NPC1L1: variants seen among roughly 807,000 people sequenced by gnomAD.
NPC1L1 encodes NPC1 like intracellular cholesterol transporter 1, also known as NPC1-like intracellular cholesterol transporter 1.
NPC1L1 carries 98 observed loss-of-function variants against 117.0 expected under a neutral mutation model. The observed-to-expected ratio is 0.84, with a 90% CI of 0.71 to 0.99. The LOEUF is 0.99. Ranked by LOEUF, NPC1L1 falls within the 50% of genes least tolerant of loss-of-function variation. The pLI, the probability that NPC1L1 is intolerant of heterozygous loss-of-function variation, is 0.00. For missense variants in NPC1L1, 1,540 were observed against 1,710.0 expected (o/e 0.90, Z 1.75); for synonymous variants, 729 against 727.6 (o/e 1.00, Z -0.03).
intron 9 of NPC1L1, 34 bp from the exon 10 acceptor site, chr7:44,531,878 C>A: frequency 6.4e-7 from 1 of 1,552,094 alleles, no homozygotes; most frequent in Non-Finnish European, 8.7e-7. Flanking sequence ...GACCACCCTG[C>A]CCAACAGCCG....
rs558058946 is a variant in NPC1L1, at chr7:44,539,134, C to T, written c.1263G>A (p.Arg421=). 1 of 1,614,138 alleles carries T rather than the reference C, an allele frequency of 6.2e-7. No homozygotes were observed. Among genetic ancestry groups the T allele is most frequent in the Non-Finnish European group, 8.5e-7 (1 of 1,180,032 alleles). ...ILTAPNRSSY[R]YDSLLLGPKN... ...TGGGCCCCAGCAGCAGAGAGTCATACCTGTAGCTGGACCGGTTAGGAGCCG... is the reference window on the plus strand; with the variant it reads ...TGGGCCCCAGCAGCAGAGAGTCATATCTGTAGCTGGACCGGTTAGGAGCCG... Residue 421 remains arginine (R), a synonymous_variant, in exon 2 of 19, where the codon AGG becomes AGA. Transcript: ENST00000381160. This position sits in a 1 kb window ranked among gnomAD's most constrained non-coding sequence, Gnocchi z 4.4.
chr7:44,522,724 C>G (rs1285318117), intron 10 of NPC1L1, among the ~76,000 whole-genome samples: 2 of 152,172 alleles, frequency 1.3e-5, no homozygotes, highest in South Asian at 4.1e-4. Context: ...TACACTTATG[C>G]AGGTACAAAC....
chr7:44,534,745 C>T lies in NPC1L1; in HGVS notation c.1984-116G>A. 2 of 1,004,442 alleles carry T rather than the reference C, an allele frequency of 2.0e-6. No individual in the cohort carries two copies. Among genetic ancestry groups the T allele is most frequent in the Non-Finnish European group, 3.0e-6 (2 of 665,468 alleles). The allele number at this position is 1,004,442 out of a possible 1,614,324, so 62.2% of individuals were successfully genotyped here. A position where few individuals can be genotyped will look rare whatever the true frequency, so the allele number is the denominator to read the frequency against. On this transcript the variant is annotated intron_variant, in intron 5 of 18. Transcript: ENST00000381160. This position sits in a 1 kb window ranked among gnomAD's most constrained non-coding sequence, Gnocchi z 5.2. ...GGCACCCTCAGTGCCTGCAGGTGCC[C>T]GATACTGCCCCCAGTGGTGAGGAGC...
At chr7:44,517,177 T>G (rs1801216348) in intron 15 of NPC1L1, 30 bp downstream of exon 15, 1 of 1,613,160 alleles carries the variant, frequency 6.2e-7, no homozygotes, top group African/African-American at 1.3e-5. Flanking sequence ...ATACCCCACC[T>G]CCCTCCAGCC....
At position 44,513,589 on chromosome 7, in the gene NPC1L1, G is replaced by A. The variant is rs1361238014; in HGVS notation, c.3857C>T (p.Ala1286Val). 6.2e-7 allele frequency: 1 copy of A among 1,613,980 alleles called. No homozygotes were observed. The highest frequency in any genetic ancestry group is 8.5e-7 in the Non-Finnish European group (1 of 1,180,024). The change falls in exon 19 of 19, where the codon GCA becomes GTA. Residue 1286 changes from alanine (A) to valine (V), a missense_variant. Coordinates refer to ENST00000381160, the MANE Select transcript of NPC1L1 (RefSeq NM_001101648.2). ...ATTTGGGCAAGAGGCCACCATGACTGCTGCCACCGCCTCCTCAGCCCGCTT... is the reference window on the plus strand; with the variant it reads ...ATTTGGGCAAGAGGCCACCATGACTACTGCCACCGCCTCCTCAGCCCGCTT... ...EQKRAEEAVA[A>V]VMVASCPNHP...
chr7:44,532,254 G>A, intron 8 of NPC1L1, 37 bp from the exon 9 acceptor site: 2 of 1,612,054 alleles, frequency 1.2e-6, no homozygotes, highest in Non-Finnish European at 1.7e-6. Flanking sequence ...TAGTCCCAGA[G>A]CAGACAAGGC....
In NPC1L1 at chr7:44,513,669, C is replaced by T; in HGVS notation, c.3797-20G>A. Reference sequence around the variant, plus strand: ...CAGGCCCTGCGGAGAGACAGAGAACCACAGTCAGAGAGGTGGGCAGGGGAC... The same window carrying T: ...CAGGCCCTGCGGAGAGACAGAGAACTACAGTCAGAGAGGTGGGCAGGGGAC... On this transcript the variant is annotated intron_variant, in intron 18 of 18. Transcript: ENST00000381160. 1.9e-6 allele frequency: 3 copies of T among 1,610,430 alleles called. No homozygotes were observed. Among genetic ancestry groups the T allele is most frequent in the Non-Finnish European group, 2.5e-6 (3 of 1,179,826 alleles).
intron 10 of NPC1L1, among the ~76,000 whole-genome samples, chr7:44,523,969 A>T (rs217418): frequency 0.21 from 32,296 of 152,048 alleles, 3,635 homozygotes; most frequent in African/African-American, 0.23. Context: ...GCAGCCACTA[A>T]TGCAACTCCC....
Position 44,535,932 on chromosome 7 carries a change from C to A in NPC1L1, c.1891G>T (p.Glu631Ter). 2 of 1,613,466 alleles carry A rather than the reference C, an allele frequency of 1.2e-6. No homozygotes were observed. The highest frequency in any genetic ancestry group is 1.7e-6 in the Non-Finnish European group (2 of 1,180,028). The change falls in exon 5 of 19, where the codon GAA (glutamate) becomes TAA (stop). Residue 631 changes from glutamate to a stop codon, truncating the protein, a stop_gained. Transcript: ENST00000381160. LOFTEE classifies it high-confidence loss of function. Reference protein sequence around the residue: ...LEDEINRTTAEDLPIFATSYI... With the variant: ...LEDEINRTTA ...CTGGTGGCAAAGATGGGCAGGTCTT[C>A]AGCTGTGGTGCGATTGATCTCGTCT...
At chr7:44,523,359 T>C (rs1801417620) in intron 10 of NPC1L1, among the ~76,000 whole-genome samples, 1 of 152,106 alleles carries the variant, frequency 6.6e-6, no homozygotes, top group Admixed American at 6.5e-5. Context: ...CCGGCCCTAG[T>C]GTAACGATTT....
chr7:44,540,279 C>T lies in NPC1L1; in HGVS notation c.118G>A (p.Gly40Arg). ...PGYCAFYDEC[G>R]KNPELSGSLM... ...CTTCCAGACAGCTCTGGGTTCTTCC[C>T]ACATTCGTCATAGAAGGCGCAGTAG... The change falls in exon 2 of 19, where the codon GGG becomes AGG. Residue 40 changes from glycine to arginine, a missense_variant. Physicochemically the swap from Gly to Arg is moderately radical, Grantham distance 125 (BLOSUM62 -2). Around this residue, in one of 3 missense-constraint regions of NPC1L1, gnomAD observed 793 missense variants for 820.4 expected, o/e 0.97. Coordinates refer to ENST00000381160, the MANE Select transcript of NPC1L1 (RefSeq NM_001101648.2). The T allele has an allele frequency of 6.2e-7, 1 of 1,613,958 alleles. No individual in the cohort carries two copies. Among genetic ancestry groups the T allele is most frequent in the East Asian group, 2.2e-5 (1 of 44,864 alleles).
chr7:44,515,491 C>T (rs1214581851), intron 18 of NPC1L1, among the ~76,000 whole-genome samples: 3 of 152,172 alleles, frequency 2.0e-5, no homozygotes, highest in African/African-American at 7.2e-5. Context: ...CATGTCACCT[C>T]TCTGTGTAAA....
chr7:44,527,187 G>A (rs1303613381), intron 10 of NPC1L1, among the ~76,000 whole-genome samples: 1 of 151,138 alleles, frequency 6.6e-6, no homozygotes, highest in East Asian at 2.0e-4. Context: ...GGCCAGGCAT[G>A]GTGGCTCATG....
chr7:44,515,668 A>G lies in NPC1L1; in HGVS notation c.3796+135T>C, dbSNP rs1238307834. ...GTAGCTTCCAAGACAGAATTGCCAC[A>G]TGGTCATAGTCCTGGCTTCTGACAT... On this transcript the variant is annotated intron_variant, in intron 18 of 18. Coordinates refer to ENST00000381160, the MANE Select transcript of NPC1L1 (RefSeq NM_001101648.2). The G allele has an allele frequency of 7.5e-6, 8 of 1,059,730 alleles. No homozygotes were observed. The African/African-American group carries it at 7.8e-5, about 10-fold the overall frequency. The allele number at this position is 1,059,730 out of a possible 1,614,324, so 65.6% of individuals were successfully genotyped here. A position where few individuals can be genotyped will look rare whatever the true frequency, so the allele number is the denominator to read the frequency against.
rs1382039759 is a variant in NPC1L1, at chr7:44,518,929, C to CTTCTTTTTCTTTCTTTCT, written c.3137-1590_3137-1573dup. ...GGGTGAGGGCTGAGAACTTGCGTTT[C>CTTCTTTTTCTTTCTTTCT]TTCTTTTTCTTTCTTTCTTTCTTTT... On this transcript the variant is annotated intron_variant, in intron 14 of 18. Coordinates refer to ENST00000381160, the MANE Select transcript of NPC1L1 (RefSeq NM_001101648.2). Among the ~76,000 whole-genome samples the CTTCTTTTTCTTTCTTTCT allele has an allele frequency of 3.8e-3, 585 of 152,080 alleles. 2 individuals are homozygous for CTTCTTTTTCTTTCTTTCT. Among genetic ancestry groups the CTTCTTTTTCTTTCTTTCT allele is most frequent in the African/African-American group, 0.014 (560 of 41,454 alleles).
rs551288933 is a variant in NPC1L1 at position 44,518,748 on chromosome 7, G to A, written c.3137-1391C>T. ...AAAAAGAAACAATAGTGCTACATAGGTGTGGAGAAAAAAGAAGAGAAATGT... is the reference window on the plus strand; with the variant it reads ...AAAAAGAAACAATAGTGCTACATAGATGTGGAGAAAAAAGAAGAGAAATGT... On this transcript the variant is annotated intron_variant, in intron 14 of 18. Coordinates refer to ENST00000381160, the MANE Select transcript of NPC1L1 (RefSeq NM_001101648.2). 7.2e-6 allele frequency: 8 copies of A among 1,115,418 alleles called. No individual in the cohort carries two copies. In the East Asian group the frequency reaches 4.3e-4, roughly 61 times the overall value. 69.1% of individuals were successfully genotyped at this position (1,115,418 alleles called of 1,614,324 possible).
chr7:44,514,729 C>T (rs1376270221), intron 18 of NPC1L1, among the ~76,000 whole-genome samples: 1 of 151,394 alleles, frequency 6.6e-6, no homozygotes, highest in East Asian at 1.9e-4. Flanking sequence ...GGGCTGGGCA[C>T]AGTGGCTCAC....
Position 44,539,463 on chromosome 7 carries a change from C to A in NPC1L1, c.934G>T (p.Asp312Tyr). 6.2e-7 allele frequency: 1 copy of A among 1,614,018 alleles called. No individual in the cohort carries two copies. Among genetic ancestry groups the A allele is most frequent in the Non-Finnish European group, 8.5e-7 (1 of 1,180,002 alleles). Reference protein sequence around the residue: ...LVGFRVAPARDKSKMVDPKKG... With the variant: ...LVGFRVAPARYKSKMVDPKKG... ...TTGGGGTCCACCATCTTGCTTTTGTCCCTGGCGGGGGCCACACGGAATCCC... is the reference window on the plus strand; with the variant it reads ...TTGGGGTCCACCATCTTGCTTTTGTACCTGGCGGGGGCCACACGGAATCCC... Residue 312 changes from aspartate to tyrosine, a missense_variant, in exon 2 of 19, where the codon GAC becomes TAC. By Grantham distance (160) the Asp-to-Tyr change is radical (BLOSUM62 -3). Transcript: ENST00000381160. The surrounding 1 kb of genome is among the most constrained non-coding windows in gnomAD (Gnocchi z 4.4).
intron 10 of NPC1L1, among the ~76,000 whole-genome samples, chr7:44,528,485 G>A (rs930177716): frequency 2.0e-5 from 3 of 152,142 alleles, no homozygotes; most frequent in Admixed American, 1.3e-4. Flanking sequence ...GTATGCTATG[G>A]AAACAAAGTT....
Sources: gnomAD v4.1 joint callset for allele counts (sites outside exome capture counted in the v4.1 genomes callset) on GRCh38, gnomAD v4.1.1 for gene constraint, gnomAD v4.1.1 regional missense constraint, Gnocchi (gnomAD v3.1) non-coding constraint, MANE v1.5 for transcripts, NCBI Gene and HGNC (gene_info 2026-07-23, HGNC 2026-07-21) for gene names.